CDC42BPB: variants seen among roughly 807,000 people sequenced by gnomAD.
The protein encoded by CDC42BPB is CDC42 binding protein kinase beta.
Under a neutral mutation model 214.9 loss-of-function variants are expected in CDC42BPB, and 37 were observed. The ratio of observed to expected loss-of-function variants is 0.17; its 90% CI spans 0.13 to 0.23. The LOEUF (loss-of-function observed/expected upper bound fraction) is 0.23. Among genes scored for constraint, CDC42BPB ranks in the 10% least tolerant of loss-of-function variants. The pLI is 1.00. For missense variants in CDC42BPB, 1,694 were observed against 2,227.0 expected (o/e 0.76, Z 4.82); for synonymous variants, 931 against 884.0 (o/e 1.05, Z -0.94).
At chr14:102,940,006 A>C (rs1415402493) in intron 32 of CDC42BPB, 40 bp downstream of exon 32, 3 of 1,613,552 alleles carry the variant, frequency 1.9e-6, no homozygotes, top group South Asian at 2.2e-5. Flanking sequence ...CGCCCCTCCA[A>C]CTTCCCTTCC....
chr14:103,014,705 G>T (rs570007648), intron 1 of CDC42BPB, among the ~76,000 whole-genome samples: 9 of 152,220 alleles, frequency 5.9e-5, no homozygotes, highest in African/African-American at 1.9e-4. Context: ...AGTGAGTTAT[G>T]AACAATGGCC....
intron 1 of CDC42BPB, among the ~76,000 whole-genome samples, chr14:103,042,397 G>A (rs962755540): frequency 2.0e-5 from 3 of 151,780 alleles, no homozygotes; most frequent in South Asian, 4.2e-4. Flanking sequence ...GCAAGGCTCC[G>A]CCTCCCGGGT....
In CDC42BPB at chr14:102,946,626, T is replaced by A; in HGVS notation, c.3590A>T (p.Glu1197Val). The A allele has an allele frequency of 6.2e-7, 1 of 1,612,830 alleles. No individual in the cohort carries two copies. The highest frequency in any genetic ancestry group is 8.5e-7 in the Non-Finnish European group (1 of 1,179,966). The stretch of plus-strand genomic sequence containing the variant: ...CCACTTCCTCTTTTCATTCTCATTT[T>A]CTGTCAGAATGAGCAGCGAGCTGGT... ...SKTSSLLILT[E>V]NENEKRKWVG... Residue 1197 changes from glutamate (E) to valine (V), a missense_variant, in exon 28 of 37, where the codon GAA (glutamate) becomes GTA (valine). Coordinates refer to ENST00000361246, the MANE Select transcript of CDC42BPB (RefSeq NM_006035.4).
intron 36 of CDC42BPB, 47 bp from the exon 37 acceptor site, chr14:102,933,890 G>T: frequency 6.8e-7 from 1 of 1,470,818 alleles, no homozygotes; most frequent in Non-Finnish European, 8.9e-7. Flanking sequence ...CCCTAGCCTG[G>T]GGAGGCACGC....
At chr14:103,042,155 A>T (rs1888036553) in intron 1 of CDC42BPB, 1 of 160,460 alleles carries the variant, frequency 6.2e-6, no homozygotes, top group Non-Finnish European at 1.4e-5. Context: ...ATTAGACTTC[A>T]TCAAAATTAA....
intron 21 of CDC42BPB, among the ~76,000 whole-genome samples, chr14:102,957,169 C>A (rs971198992): frequency 4.1e-5 from 6 of 146,444 alleles, no homozygotes; most frequent in African/African-American, 1.5e-4. Flanking sequence ...CCACTGCACT[C>A]CAGCCTGGGT....
At chr14:102,963,894 A>G (rs1420040984) in intron 19 of CDC42BPB, among the ~76,000 whole-genome samples, 1 of 152,244 alleles carries the variant, frequency 6.6e-6, no homozygotes, top group Non-Finnish European at 1.5e-5. Context: ...TGTCCCTTCC[A>G]GGTCCTCGCC....
chr14:102,942,953 C>G (rs1240090452), intron 30 of CDC42BPB, among the ~76,000 whole-genome samples: 3 of 152,234 alleles, frequency 2.0e-5, no homozygotes, highest in African/African-American at 2.4e-5. Flanking sequence ...ACTGCAACCT[C>G]TGTGTCCTGG....
intron 3 of CDC42BPB, among the ~76,000 whole-genome samples, chr14:103,007,804 G>GT (rs1885926341): frequency 7.0e-6 from 1 of 142,028 alleles, no homozygotes; most frequent in African/African-American, 2.7e-5. Flanking sequence ...CAGGAAGCAG[G>GT]TCAACTGGCC....
rs548927487 is a variant in CDC42BPB, at chr14:103,001,022, T to A, written c.448-1309A>T. Among the ~76,000 whole-genome samples the A allele has an allele frequency of 2.7e-4, 41 of 152,284 alleles. 1 individual carries two copies. The highest frequency in any genetic ancestry group is 8.2e-4 in the African/African-American group (34 of 41,552). ...TGTCTGAGGAAGGGAGCGGCCCAGCTAATCAGAGGAAACGACAGAAGCCTT... is the reference window on the plus strand; with the variant it reads ...TGTCTGAGGAAGGGAGCGGCCCAGCAAATCAGAGGAAACGACAGAAGCCTT... On this transcript the variant is annotated intron_variant, in intron 4 of 36. Coordinates refer to ENST00000361246, the MANE Select transcript of CDC42BPB (RefSeq NM_006035.4). The surrounding 1 kb of genome is among the most constrained non-coding windows in gnomAD (Gnocchi z 5.8).
intron 1 of CDC42BPB, among the ~76,000 whole-genome samples, chr14:103,031,418 G>T (rs992690299): frequency 6.6e-6 from 1 of 152,028 alleles, no homozygotes; most frequent in Non-Finnish European, 1.5e-5. Flanking sequence ...AAAACTTTAC[G>T]GCAAAGTCAG....
intron 13 of CDC42BPB, 61 bp downstream of exon 13, chr14:102,971,858 G>T (rs560152844): frequency 2.0e-6 from 3 of 1,537,674 alleles, no homozygotes; most frequent in South Asian, 2.4e-5. Context: ...TTTCAAAGAC[G>T]TTTTATAAAA....
In CDC42BPB at chr14:102,943,856, G is replaced by C; in HGVS notation, c.4408+35C>G. The C allele has an allele frequency of 6.4e-7, 1 of 1,551,788 alleles. No individual in the cohort carries two copies. Among genetic ancestry groups the C allele is most frequent in the African/African-American group, 1.4e-5 (1 of 73,228 alleles). ...ATGCTGACTGTCGGTGGGAAAAGCA[G>C]CAACAGGGATATGCAACAGAAAACA... On this transcript the variant is annotated intron_variant, in intron 30 of 36. Coordinates refer to ENST00000361246, the MANE Select transcript of CDC42BPB (RefSeq NM_006035.4). The surrounding 1 kb of genome is among the most constrained non-coding windows in gnomAD (Gnocchi z 4.6).
At chr14:102,991,464 G>A (rs977649135) in intron 5 of CDC42BPB, among the ~76,000 whole-genome samples, 1 of 152,256 alleles carries the variant, frequency 6.6e-6, no homozygotes, top group African/African-American at 2.4e-5. Flanking sequence ...TGCAACATGT[G>A]ATCCTGGACT....
intron 5 of CDC42BPB, among the ~76,000 whole-genome samples, chr14:102,996,366 G>A (rs1894738038): frequency 6.6e-6 from 1 of 152,056 alleles, no homozygotes; most frequent in Admixed American, 6.6e-5. Flanking sequence ...AGAGAATGAG[G>A]AGAACGCTTT....
intron 21 of CDC42BPB, among the ~76,000 whole-genome samples, chr14:102,957,860 C>T (rs1349297921): frequency 6.6e-6 from 1 of 152,240 alleles, no homozygotes; most frequent in Non-Finnish European, 1.5e-5. Flanking sequence ...AACGATCAGA[C>T]TTGGCATCAC....
rs778819116 is a variant in CDC42BPB at position 102,944,526 on chromosome 14, A to G, written c.3812-39T>C. ...GACAAGAGCGTGAGGCCGACGGGAC[A>G]GCCAGCAGCTCCCAGGGGCTGACGG... On this transcript the variant is annotated intron_variant, in intron 29 of 36. Transcript: ENST00000361246. The surrounding 1 kb of genome is among the most constrained non-coding windows in gnomAD (Gnocchi z 6.6). 5.1e-6 allele frequency: 8 copies of G among 1,583,458 alleles called. No individual in the cohort carries two copies. The African/African-American group carries it at 1.1e-4, about 21-fold the overall frequency.
intron 13 of CDC42BPB, among the ~76,000 whole-genome samples, chr14:102,971,493 G>GTT (rs1448804072): frequency 6.6e-6 from 1 of 152,204 alleles, no homozygotes; most frequent in African/African-American, 2.4e-5. Flanking sequence ...GTTTTGCCAT[G>GTT]TTGCTCAGGC....
chr14:103,012,789 AG>A, intron 1 of CDC42BPB, among the ~76,000 whole-genome samples: 1 of 152,354 alleles, frequency 6.6e-6, no homozygotes, highest in South Asian at 2.1e-4. Flanking sequence ...TGGGCAACAA[AG>A]CAAGACTCCA....
Sources: allele counts gnomAD v4.1 joint callset (sites outside exome capture counted in the v4.1 genomes callset), GRCh38; gene constraint gnomAD v4.1.1; non-coding constraint Gnocchi (gnomAD v3.1); transcripts MANE v1.5; gene names NCBI Gene and HGNC (gene_info 2026-07-23, HGNC 2026-07-21).